Variants in GATAD2B observed in about 807,000 individuals in gnomAD.
GATAD2B encodes transcriptional repressor p66-beta.
Under a neutral mutation model 64.3 loss-of-function variants are expected in GATAD2B, and 8 were observed. The ratio of observed to expected loss-of-function variants is 0.12; its 90% confidence interval spans 0.07 to 0.22. The LOEUF is 0.22. Among genes scored for constraint, GATAD2B ranks in the 10% least tolerant of loss-of-function variants. GATAD2B has a pLI of 1.00. For missense variants in GATAD2B, 453 were observed against 752.0 expected (o/e 0.60, Z 4.65); for synonymous variants, 281 against 271.3 (o/e 1.04, Z -0.35).
At chr1:153,832,859 G>A (rs1290711972) in intron 1 of GATAD2B, among the ~76,000 whole-genome samples, 1 of 152,076 alleles carries the variant, frequency 6.6e-6, no homozygotes, top group African/African-American at 2.4e-5. Flanking sequence ...ATAAGCCCAT[G>A]TGAACAGCAC....
chr1:153,903,105 C>T (rs1291113848), intron 1 of GATAD2B, among the ~76,000 whole-genome samples: 1 of 151,920 alleles, frequency 6.6e-6, no homozygotes, highest in Admixed American at 6.6e-5. Flanking sequence ...GTGGTCCCAG[C>T]TACTCGGGAG....
intron 1 of GATAD2B, among the ~76,000 whole-genome samples, chr1:153,863,600 C>G (rs1676384464): frequency 6.6e-6 from 1 of 150,882 alleles, no homozygotes; most frequent in African/African-American, 2.4e-5. Flanking sequence ...CCAACCTTCT[C>G]CAGTACTCAT....
chr1:153,846,611 G>C (rs1675698670), intron 1 of GATAD2B, among the ~76,000 whole-genome samples: 1 of 146,876 alleles, frequency 6.8e-6, no homozygotes, highest in African/African-American at 2.6e-5. Flanking sequence ...GCCCAGGCTG[G>C]AATGCAGTCG....
chr1:153,830,592 C>T (rs1443557920), intron 1 of GATAD2B, among the ~76,000 whole-genome samples: 1 of 148,324 alleles, frequency 6.7e-6, no homozygotes, highest in Non-Finnish European at 1.5e-5. Flanking sequence ...TCTCCTGCCT[C>T]AGCCTCCCAA....
At chr1:153,877,789 G>T (rs1676882747) in intron 1 of GATAD2B, among the ~76,000 whole-genome samples, 1 of 150,738 alleles carries the variant, frequency 6.6e-6, no homozygotes. Context: ...GAGGTGGGAG[G>T]ATCACTTGAA....
chr1:153,834,987 G>A (rs943919868), intron 1 of GATAD2B, among the ~76,000 whole-genome samples: 10 of 151,890 alleles, frequency 6.6e-5, no homozygotes, highest in Non-Finnish European at 1.2e-4. Flanking sequence ...AGTTGGGCAC[G>A]GTGGCATGCA....
intron 1 of GATAD2B, among the ~76,000 whole-genome samples, chr1:153,890,124 A>G (rs903786724): frequency 1.3e-5 from 2 of 150,498 alleles, no homozygotes; most frequent in Non-Finnish European, 3.0e-5. Context: ...GTGAGCCAAG[A>G]TCGCGCCATT....
chr1:153,872,499 T>C (rs1676703225), intron 1 of GATAD2B, among the ~76,000 whole-genome samples: 2 of 151,856 alleles, frequency 1.3e-5, no homozygotes, highest in African/African-American at 4.8e-5. Context: ...ATGTGAAAAC[T>C]TCTAGTTCAC....
At chr1:153,905,489 AG>A (rs1677896204) in intron 1 of GATAD2B, among the ~76,000 whole-genome samples, 1 of 151,728 alleles carries the variant, frequency 6.6e-6, no homozygotes, top group South Asian at 2.1e-4. Context: ...CTATGTGAAA[AG>A]AAAAACCCAT....
chr1:153,824,439 CA>C (rs1674798361), intron 2 of GATAD2B, among the ~76,000 whole-genome samples: 1 of 151,780 alleles, frequency 6.6e-6, no homozygotes, highest in Admixed American at 6.6e-5. Context: ...ACCATCTGGC[CA>C]ACATGGCGAA....
intron 1 of GATAD2B, among the ~76,000 whole-genome samples, chr1:153,895,113 A>G (rs1228075785): frequency 6.6e-6 from 1 of 151,834 alleles, no homozygotes; most frequent in Non-Finnish European, 1.5e-5. Flanking sequence ...AACCAAGATC[A>G]CATCATTGCA....
At chr1:153,822,653 G>A (rs919976649) in intron 2 of GATAD2B, among the ~76,000 whole-genome samples, 6 of 152,024 alleles carry the variant, frequency 3.9e-5, no homozygotes, top group Middle Eastern at 3.4e-3. Context: ...ACATGTGCCC[G>A]CCACCACACC....
intron 1 of GATAD2B, among the ~76,000 whole-genome samples, chr1:153,892,166 A>G (rs1173961942): frequency 6.7e-6 from 1 of 149,530 alleles, no homozygotes. Flanking sequence ...TCCGTCTCAA[A>G]AAAAAAAAAA....
intron 1 of GATAD2B, among the ~76,000 whole-genome samples, chr1:153,893,413 C>T (rs1448023770): frequency 1.3e-5 from 2 of 151,822 alleles, no homozygotes; most frequent in African/African-American, 4.8e-5. Context: ...TTCACACCAG[C>T]CTGGGTGACA....
rs922223581 is a variant in GATAD2B, at chr1:153,841,627, C to T, written c.-1-13279G>A. Reference sequence around the variant, plus strand: ...TCATCGAAGTGGCTGCAAGTACCAACAGTTTATTCCTTTTTATTGCTGAGT... The same window carrying T: ...TCATCGAAGTGGCTGCAAGTACCAATAGTTTATTCCTTTTTATTGCTGAGT... On this transcript the variant is annotated intron_variant, in intron 1 of 10. Coordinates refer to ENST00000368655, the MANE Select transcript of GATAD2B (RefSeq NM_020699.4). Among the ~76,000 whole-genome samples the T allele has an allele frequency of 3.3e-5, 5 of 152,146 alleles. No homozygotes were observed. The South Asian group carries it at 1.0e-3, about 31-fold the overall frequency.
intron 1 of GATAD2B, chr1:153,921,945 G>GTACTC (rs1270602324): frequency 2.0e-5 from 3 of 152,168 alleles, no homozygotes; most frequent in South Asian, 2.1e-4. Flanking sequence ...GAGGCCAAAA[G>GTACTC]TACTCTAAGT....
At chr1:153,917,058 G>A (rs546730388) in intron 1 of GATAD2B, among the ~76,000 whole-genome samples, 38 of 149,964 alleles carry the variant, frequency 2.5e-4, no homozygotes, top group African/African-American at 7.6e-4. Flanking sequence ...TACCCCCCTC[G>A]GCCTCCCAAA....
At chr1:153,915,409 C>T (rs371005119) in intron 1 of GATAD2B, among the ~76,000 whole-genome samples, 3 of 151,564 alleles carry the variant, frequency 2.0e-5, no homozygotes, top group African/African-American at 7.3e-5. Context: ...GGTGACAGAG[C>T]GAGACTCTAT....
At chr1:153,815,654 GAA>G (rs905020481) in intron 7 of GATAD2B, among the ~76,000 whole-genome samples, 1 of 145,734 alleles carries the variant, frequency 6.9e-6, no homozygotes, top group African/African-American at 2.5e-5. Flanking sequence ...CTGCTGAAGG[GAA>G]AAAAAAACAA....
Sources: gnomAD v4.1 joint callset for allele counts (sites outside exome capture counted in the v4.1 genomes callset) on GRCh38, gnomAD v4.1.1 for gene constraint, MANE v1.5 for transcripts, NCBI Gene and HGNC (gene_info 2026-07-23, HGNC 2026-07-21) for gene names.